KDELR3: variants seen among roughly 807,000 people sequenced by gnomAD.
KDELR3 encodes ER lumen protein-retaining receptor 3.
In KDELR3, 26 loss-of-function variants were observed where a neutral mutation model predicts 22.7. That is an observed-to-expected ratio of 1.15 (90% CI 0.84 to 1.59). KDELR3 has a LOEUF of 1.59. Among genes scored for constraint, KDELR3 ranks in the 40% most tolerant of loss-of-function variants. The probability of loss-of-function intolerance (pLI) is 0.00; values close to 1 mark genes in which losing one functional copy is unlikely to be tolerated. For missense variants in KDELR3, 289 were observed against 251.1 expected (o/e 1.15, Z -1.02); for synonymous variants, 120 against 98.2 (o/e 1.22, Z -1.31).
Position 38,481,252 on chromosome 22 carries a change from T to G in KDELR3, c.392T>G (p.Ile131Ser), listed in dbSNP as rs2089597903. 2.5e-6 allele frequency: 4 copies of G among 1,614,206 alleles called. No homozygotes were observed. The highest frequency in any genetic ancestry group is 3.4e-6 in the Non-Finnish European group (4 of 1,180,032). Residue 131 changes from isoleucine (I) to serine (S), a missense_variant, in exon 4 of 5, where the codon ATC becomes AGC. Transcript: ENST00000216014. The stretch of plus-strand genomic sequence containing the variant: ...TCTATCTATCTGGAATCAGTGGCTA[T>G]CCTGCCCCAGCTCTTCATGATCAGC... ...TFSIYLESVAILPQLFMISKT... is the reference protein window; with the variant it reads ...TFSIYLESVASLPQLFMISKT...
intron 3 of KDELR3, among the ~76,000 whole-genome samples, chr22:38,480,290 C>T (rs1335465671): frequency 6.6e-6 from 1 of 151,962 alleles, no homozygotes; most frequent in Non-Finnish European, 1.5e-5. Flanking sequence ...ATTATAGGCA[C>T]GAGCCACCAC....
In KDELR3 at chr22:38,481,334, C is replaced by T. The variant is rs145304147; in HGVS notation, c.474C>T (p.Tyr158=). The change falls in exon 4 of 5, where the codon TAC becomes TAT. Residue 158 remains tyrosine, a synonymous_variant. Transcript: ENST00000216014. ...ACTACCTGTTCTTTCTGGGTCTGTA[C>T]CGGGCACTCTACCTGGCTAACTGGA... ...TTHYLFFLGL[Y]RALYLANWIR... is the part of the protein sequence containing the mutation. 20 of 1,614,138 alleles carry T rather than the reference C, an allele frequency of 1.2e-5. No individual in the cohort carries two copies. Among genetic ancestry groups the T allele is most frequent in the Non-Finnish European group, 1.4e-5 (16 of 1,180,026 alleles).
intron 4 of KDELR3, chr22:38,481,758 T>C: frequency 1.2e-6 from 1 of 814,720 alleles, no homozygotes; most frequent in Non-Finnish European, 1.7e-6. Flanking sequence ...AACCACCAGC[T>C]TGGTGTGATG....
rs1005342449 is a variant in KDELR3, at chr22:38,476,254, C to T, written c.192+1631C>T. Among the ~76,000 whole-genome samples, 48 of 152,020 alleles carry T rather than the reference C, an allele frequency of 3.2e-4. 1 individual carries two copies. The highest frequency in any genetic ancestry group is 1.1e-3 in the African/African-American group (47 of 41,488). The stretch of plus-strand genomic sequence containing the variant: ...TTTTTTTTTGAGACGGAGTCTCGCT[C>T]TGTCGCCCAGGCTGGAGTGCAGTGG... On this transcript the variant is annotated intron_variant, in intron 2 of 4. Coordinates refer to ENST00000216014, the MANE Select transcript of KDELR3 (RefSeq NM_006855.4).
intron 1 of KDELR3, among the ~76,000 whole-genome samples, chr22:38,469,914 G>A (rs2089514212): frequency 6.6e-6 from 1 of 152,272 alleles, no homozygotes; most frequent in Middle Eastern, 3.4e-3. Context: ...CCACCTCCCA[G>A]GTTCAAGCGA....
intron 2 of KDELR3, among the ~76,000 whole-genome samples, chr22:38,475,079 C>CAAAAAA (rs1018109138): frequency 4.9e-5 from 1 of 20,458 alleles, no homozygotes; most frequent in African/African-American, 1.3e-4. Context: ...GACTCTGTCT[C>CAAAAAA]AAAAAAAAAA....
intron 1 of KDELR3, among the ~76,000 whole-genome samples, chr22:38,473,100 TAAAAAA>T (rs1000646102): frequency 1.3e-5 from 2 of 151,942 alleles, no homozygotes; most frequent in Non-Finnish European, 2.9e-5. Context: ...AATAAAAAGT[TAAAAAA>T]AGAAAGAGAC....
At chr22:38,481,583 G>A (rs1212987658) in intron 4 of KDELR3, 119 bp downstream of exon 4, 1 of 1,536,982 alleles carries the variant, frequency 6.5e-7, no homozygotes, top group African/African-American at 1.4e-5. Flanking sequence ...CAATGCTTGT[G>A]TTCTAATGCA....
chr22:38,471,769 GC>G (rs1193270807), intron 1 of KDELR3, among the ~76,000 whole-genome samples: 1 of 152,018 alleles, frequency 6.6e-6, no homozygotes, highest in Non-Finnish European at 1.5e-5. Flanking sequence ...TTTGAGACCA[GC>G]TTGGGCAACA....
chr22:38,468,797 G>A (rs2089504661), intron 1 of KDELR3, among the ~76,000 whole-genome samples: 1 of 152,234 alleles, frequency 6.6e-6, no homozygotes, highest in South Asian at 2.1e-4. Flanking sequence ...GGCACCGGTG[G>A]CTGTGATGTG....
chr22:38,469,496 C>A (rs564799524), intron 1 of KDELR3, among the ~76,000 whole-genome samples: 1 of 152,076 alleles, frequency 6.6e-6, no homozygotes, highest in Non-Finnish European at 1.5e-5. Flanking sequence ...AGCAACAGTA[C>A]GGTGTGGAGG....
At chr22:38,475,305 G>A (rs1012279963) in intron 2 of KDELR3, among the ~76,000 whole-genome samples, 1 of 151,712 alleles carries the variant, frequency 6.6e-6, no homozygotes, top group African/African-American at 2.4e-5. Flanking sequence ...GTGAGACTCC[G>A]CCTCTACATA....
chr22:38,482,548 G>A lies in KDELR3; in HGVS notation c.*12G>A, dbSNP rs1372860882. On this transcript the variant is annotated 3_prime_UTR_variant, in exon 5 of 5. Transcript: ENST00000216014. ...CAATGCCAATCTGAGGACCTTCAGA[G>A]ACAGTCTACGCCTTAACAAGCACAT... 5.0e-6 allele frequency: 8 copies of A among 1,606,258 alleles called. No homozygotes were observed. Among genetic ancestry groups the A allele is most frequent in the Non-Finnish European group, 6.8e-6 (8 of 1,172,974 alleles).
intron 1 of KDELR3, among the ~76,000 whole-genome samples, chr22:38,468,906 T>C (rs2089505916): frequency 6.6e-6 from 1 of 152,198 alleles, no homozygotes; most frequent in African/African-American, 2.4e-5. Context: ...CTGGCTGCCC[T>C]GCTGGGGGTT....
intron 1 of KDELR3, among the ~76,000 whole-genome samples, chr22:38,473,334 G>A (rs964535731): frequency 1.3e-5 from 2 of 152,086 alleles, no homozygotes. Context: ...CCAGCTACTC[G>A]GGAGGCTGAG....
intron 1 of KDELR3, 88 bp from the exon 2 acceptor site, chr22:38,474,435 C>G (rs1161757853): frequency 2.1e-5 from 22 of 1,052,794 alleles, no homozygotes; most frequent in Admixed American, 2.0e-4. Context: ...CTCTAGAGGC[C>G]TCCCCAGCTC....
At chr22:38,469,233 C>A (rs1004132840) in intron 1 of KDELR3, among the ~76,000 whole-genome samples, 2 of 152,206 alleles carry the variant, frequency 1.3e-5, no homozygotes, top group Non-Finnish European at 2.9e-5. Flanking sequence ...TCACCAAGCA[C>A]CGGGCATCCC....
chr22:38,478,539 A>C (rs958977475), intron 2 of KDELR3, among the ~76,000 whole-genome samples: 3 of 149,552 alleles, frequency 2.0e-5, no homozygotes, highest in African/African-American at 7.3e-5. Flanking sequence ...CATCTCAAAA[A>C]AAAAAAAAAA....
rs750953847 is a variant in KDELR3, at chr22:38,482,958, A to G, written c.*422A>G. On this transcript the variant is annotated 3_prime_UTR_variant, in exon 5 of 5. Transcript: ENST00000216014. The stretch of plus-strand genomic sequence containing the variant: ...TTAGGGTACGTTCTTGTGAATTTCC[A>G]CTTTCCAGGTAGATGACCAAATTTA... The G allele has an allele frequency of 4.3e-5, 7 of 164,566 alleles. No homozygotes were observed. The highest frequency in any genetic ancestry group is 7.8e-5 in the Non-Finnish European group (6 of 76,560). The allele number at this position is 164,566 out of a possible 1,614,324, so 10.2% of individuals were successfully genotyped here.
Sources: allele counts gnomAD v4.1 joint callset (sites outside exome capture counted in the v4.1 genomes callset), GRCh38; gene constraint gnomAD v4.1.1; transcripts MANE v1.5; gene names NCBI Gene and HGNC (gene_info 2026-07-23, HGNC 2026-07-21).